The following MICAL2 variants were observed in gnomAD, a reference collection of about 807,000 sequenced individuals.
MICAL2 encodes [F-actin]-monooxygenase MICAL2.
A neutral mutation model predicts 127.3 loss-of-function variants in MICAL2; 77 were observed. The observed-to-expected ratio is 0.60, with a 90% CI of 0.50 to 0.73. The LOEUF (loss-of-function observed/expected upper bound fraction) is 0.73, where lower values mean the gene tolerates loss of function less well. Among genes scored for constraint, MICAL2 ranks in the 30% least tolerant of loss-of-function variants. MICAL2 has a pLI of 0.00. For missense variants in MICAL2, 1,351 were observed against 1,434.4 expected, an observed-to-expected ratio of 0.94 and a Z score of 0.94; for synonymous variants, 570 against 551.1, an observed-to-expected ratio of 1.03 and a Z score of -0.48.
intron 32 of MICAL2, among the ~76,000 whole-genome samples, chr11:12,340,547 G>T (rs148706592): frequency 6.6e-6 from 1 of 152,276 alleles, no homozygotes; most frequent in African/African-American, 2.4e-5. Flanking sequence ...ATACTCCAGA[G>T]AAACTCTTAC....
chr11:12,204,219 C>A, intron 3 of MICAL2, 31 bp from the exon 4 acceptor site: 2 of 1,600,992 alleles, frequency 1.2e-6, no homozygotes, highest in Non-Finnish European at 1.7e-6. Flanking sequence ...TAGAGGTTAC[C>A]AAGAGTCTCT....
intron 3 of MICAL2, among the ~76,000 whole-genome samples, chr11:12,189,002 C>T (rs1858705276): frequency 6.6e-6 from 1 of 152,110 alleles, no homozygotes; most frequent in Non-Finnish European, 1.5e-5. Flanking sequence ...CTTCCTCTCC[C>T]CTCCCACTCC....
At chr11:12,207,547 C>T (rs1032402669) in intron 4 of MICAL2, among the ~76,000 whole-genome samples, 1 of 152,228 alleles carries the variant, frequency 6.6e-6, no homozygotes, top group Non-Finnish European at 1.5e-5. Flanking sequence ...CTCCTCACCA[C>T]TGGATGTCTA....
chr11:12,334,763 T>C (rs1425663759), intron 32 of MICAL2, among the ~76,000 whole-genome samples: 4 of 151,992 alleles, frequency 2.6e-5, no homozygotes, highest in African/African-American at 9.7e-5. Flanking sequence ...GCTTTATCCA[T>C]GTCCCTACAA....
intron 26 of MICAL2, chr11:12,260,318 C>T: frequency 7.0e-7 from 1 of 1,419,610 alleles, no homozygotes; most frequent in East Asian, 2.6e-5. Context: ...TGGGCCACCT[C>T]CGCCTGGCCT....
intron 3 of MICAL2, among the ~76,000 whole-genome samples, chr11:12,185,160 GAT>G (rs1858041761): frequency 1.0e-5 from 1 of 100,322 alleles, no homozygotes; most frequent in Non-Finnish European, 2.2e-5. Context: ...TGGGTGTGTG[GAT>G]GAATGGGTGG....
At chr11:12,304,712 C>T (rs1379617939) in intron 29 of MICAL2, among the ~76,000 whole-genome samples, 3 of 151,806 alleles carry the variant, frequency 2.0e-5, no homozygotes, top group African/African-American at 7.3e-5. Flanking sequence ...CTTCTCCTCC[C>T]ACTGTATTAC....
At chr11:12,130,995 G>T (rs1393174498) in intron 1 of MICAL2, among the ~76,000 whole-genome samples, 2 of 152,146 alleles carry the variant, frequency 1.3e-5, no homozygotes, top group Admixed American at 1.3e-4. Context: ...GGTTGCAGGT[G>T]AGAAAGATCC....
downstream of MICAL2, among the ~76,000 whole-genome samples, chr11:12,296,924 G>A (rs1863992601): frequency 6.6e-6 from 1 of 151,278 alleles, no homozygotes; most frequent in Admixed American, 6.6e-5. Flanking sequence ...GTGTGTAGAT[G>A]TAACATAATT....
chr11:12,171,955 T>C (rs891455035), intron 3 of MICAL2, among the ~76,000 whole-genome samples: 1 of 152,230 alleles, frequency 6.6e-6, no homozygotes, highest in Non-Finnish European at 1.5e-5. Flanking sequence ...ATTTTGCTTT[T>C]TGTATATTAC....
At chr11:12,233,888 T>C (rs77040147) in intron 15 of MICAL2, among the ~76,000 whole-genome samples, 4,080 of 152,310 alleles carry the variant, frequency 0.027, 194 homozygotes, top group African/African-American at 0.091. Context: ...AAAAAGTAGA[T>C]AAATCTCTAG....
chr11:12,204,721 C>T (rs1334177847), intron 4 of MICAL2, among the ~76,000 whole-genome samples: 2 of 152,206 alleles, frequency 1.3e-5, no homozygotes, highest in East Asian at 1.9e-4. Context: ...TGAAAGAGTG[C>T]TTGACTCATA....
chr11:12,360,126 A>AAAAAAAT (rs1555025902), downstream of MICAL2, among the ~76,000 whole-genome samples: 1 of 151,572 alleles, frequency 6.6e-6, no homozygotes, highest in Non-Finnish European at 1.5e-5. Flanking sequence ...TTTTAAAAAA[A>AAAAAAAT]AAATAAGAAT....
chr11:12,281,172 C>T (rs1863766130), intron 2 of MICAL2: 1 of 398,762 alleles, frequency 2.5e-6, no homozygotes, highest in Non-Finnish European at 4.4e-6. Flanking sequence ...CTGAATTTCC[C>T]TCTTGGAGGA....
At chr11:12,219,915 T>TGATAAGAAAGA (rs1371705995) in intron 8 of MICAL2, among the ~76,000 whole-genome samples, 2 of 152,262 alleles carry the variant, frequency 1.3e-5, no homozygotes, top group Non-Finnish European at 2.9e-5. Flanking sequence ...GAGGAATTTC[T>TGATAAGAAAGA]ACGCTTCCTT....
chr11:12,287,480 A>G (rs538223242), downstream of MICAL2, among the ~76,000 whole-genome samples: 1 of 152,084 alleles, frequency 6.6e-6, no homozygotes, highest in Admixed American at 6.5e-5. Context: ...TGAAATACAG[A>G]TGAGTAAACT....
chr11:12,272,184 C>T (rs1863682086), upstream of MICAL2, among the ~76,000 whole-genome samples: 2 of 152,198 alleles, frequency 1.3e-5, no homozygotes, highest in Admixed American at 1.3e-4. Flanking sequence ...TCTGGTACCT[C>T]TGCAGACTGG....
intron 15 of MICAL2, among the ~76,000 whole-genome samples, chr11:12,230,057 C>T (rs928581383): frequency 1.3e-5 from 2 of 152,316 alleles, no homozygotes; most frequent in Admixed American, 1.3e-4. Flanking sequence ...TACTGGGTCA[C>T]CACACTGTGC....
rs968321620 is a variant in MICAL2 at position 12,199,875 on chromosome 11, C to T, written c.265-4375C>T. Among the ~76,000 whole-genome samples, 3 of 152,300 alleles carry T rather than the reference C, an allele frequency of 2.0e-5. No homozygotes were observed. In the East Asian group the frequency reaches 5.8e-4, roughly 29 times the overall value. ...TGCAGGTGTTGGTTCTGCCCTGCTC[C>T]CCACTGGGTAATAATTTATGTCACC... is the stretch of plus-strand genomic sequence containing the variant. On this transcript the variant is annotated intron_variant, in intron 3 of 27. Transcript: ENST00000683283.
Sources: gnomAD v4.1 joint callset for allele counts (sites outside exome capture counted in the v4.1 genomes callset) on GRCh38, gnomAD v4.1.1 for gene constraint, MANE v1.5 for transcripts, NCBI Gene and HGNC (gene_info 2026-07-23, HGNC 2026-07-21) for gene names.